COL11A1: variants seen among roughly 807,000 people sequenced by gnomAD.
COL11A1 encodes collagen type XI alpha 1 chain, also known as collagen alpha-1(XI) chain.
A neutral mutation model predicts 265.2 loss-of-function variants in COL11A1; 74 were observed. The ratio of observed to expected loss-of-function variants is 0.28; its 90% CI spans 0.23 to 0.34. The LOEUF (loss-of-function observed/expected upper bound fraction) is 0.34, where lower values mean the gene tolerates loss of function less well. Among genes scored for constraint, COL11A1 ranks in the 10% least tolerant of loss-of-function variants. The pLI is 1.00. For missense variants in COL11A1, 2,165 were observed against 2,263.6 expected, an observed-to-expected ratio of 0.96 and a Z score of 0.88; for synonymous variants, 816 against 727.6, an observed-to-expected ratio of 1.12 and a Z score of -1.96.
At position 102,878,068 on chromosome 1, in the gene COL11A1, T is replaced by C. The variant is rs1351190778; in HGVS notation, c.5372A>G (p.Gln1791Arg). 1.1e-5 allele frequency: 18 copies of C among 1,613,744 alleles called. No homozygotes were observed. The highest frequency in any genetic ancestry group is 1.4e-5 in the Non-Finnish European group (17 of 1,179,736). Reference sequence around the variant, plus strand: ...AACTTCAAATCCGAACTTCTGATTCTGATCACCAAAGTCATTGATCATGAC... The same window carrying C: ...AACTTCAAATCCGAACTTCTGATTCCGATCACCAAAGTCATTGATCATGAC... ...VDVMINDFGDQNQKFGFEVGP... is the reference protein window; with the variant it reads ...VDVMINDFGDRNQKFGFEVGP... The change falls in exon 67 of 67, where the codon CAG becomes CGG. Residue 1791 changes from glutamine (Q) to arginine (R), a missense_variant. Physicochemically the swap from Gln to Arg is conservative, Grantham distance 43 (BLOSUM62 1). Transcript: ENST00000370096.
At chr1:103,042,560 G>A (rs915219763) in intron 4 of COL11A1, among the ~76,000 whole-genome samples, 4 of 152,042 alleles carry the variant, frequency 2.6e-5, no homozygotes, top group African/African-American at 9.7e-5. Context: ...GACAGACATG[G>A]AAGCTACCAC....
At chr1:102,972,251 A>G (rs936037567) in intron 36 of COL11A1, among the ~76,000 whole-genome samples, 3 of 152,156 alleles carry the variant, frequency 2.0e-5, no homozygotes, top group African/African-American at 7.2e-5. Flanking sequence ...TGCTTCTTAA[A>G]TGATGTACTT....
At chr1:103,006,731 G>T (rs932379582) in intron 15 of COL11A1, among the ~76,000 whole-genome samples, 4 of 151,610 alleles carry the variant, frequency 2.6e-5, no homozygotes, top group South Asian at 2.1e-4. Flanking sequence ...TAGAGATGGG[G>T]TTTCACCAGC....
intron 1 of COL11A1, among the ~76,000 whole-genome samples, chr1:103,099,706 C>A (rs1674087033): frequency 6.6e-6 from 1 of 151,714 alleles, no homozygotes; most frequent in African/African-American, 2.4e-5. Context: ...CACTACATAT[C>A]TTAAGGTATT....
chr1:102,932,398 T>C (rs561372990), intron 46 of COL11A1, among the ~76,000 whole-genome samples: 22 of 152,348 alleles, frequency 1.4e-4, no homozygotes, highest in Admixed American at 2.6e-4. Flanking sequence ...AATTCTTTTC[T>C]TTAAGATGTT....
Position 102,939,053 on chromosome 1 carries a change from C to T in COL11A1, c.3420G>A (p.Lys1140=). 6.2e-7 allele frequency: 1 copy of T among 1,613,780 alleles called. No individual in the cohort carries two copies. ...AACTCACATTTTCTCCCTTGTCACCCTTGCTGCCTTTTTGTCCCGGCTCAC... is the reference window on the plus strand; with the variant it reads ...AACTCACATTTTCTCCCTTGTCACCTTTGCTGCCTTTTTGTCCCGGCTCAC... ...EIGEPGQKGS[K]GDKGENGPPG... Residue 1140 remains lysine (K), a synonymous_variant, in exon 44 of 67, where the codon AAG becomes AAA. Coordinates refer to ENST00000370096, the MANE Select transcript of COL11A1 (RefSeq NM_001854.4).
intron 48 of COL11A1, among the ~76,000 whole-genome samples, chr1:102,921,234 G>A (rs1655957002): frequency 6.6e-6 from 1 of 152,134 alleles, no homozygotes. Context: ...TTTGAACAAT[G>A]TAGTAATTTT....
At chr1:103,012,374 A>C (rs1481019410) in intron 14 of COL11A1, 39 bp downstream of exon 14, 1 of 1,557,326 alleles carries the variant, frequency 6.4e-7, no homozygotes, top group African/African-American at 1.4e-5. Flanking sequence ...TGCTAATTTG[A>C]AAATTTTAAC....
intron 4 of COL11A1, among the ~76,000 whole-genome samples, chr1:103,063,168 C>T (rs1461188269): frequency 6.6e-6 from 1 of 152,008 alleles, no homozygotes; most frequent in Admixed American, 6.6e-5. Flanking sequence ...TCAATACACT[C>T]ACAATTAATT....
Position 103,010,040 on chromosome 1 carries a change from C to T in COL11A1, c.1630-1524G>A, listed in dbSNP as rs574847330. ...TACTCAACAGATTATAATTCTTTTG[C>T]TCCAACATTTATTCTAAAAAATGTC... On this transcript the variant is annotated intron_variant, in intron 14 of 66. Coordinates refer to ENST00000370096, the MANE Select transcript of COL11A1 (RefSeq NM_001854.4). Among the ~76,000 whole-genome samples the T allele has an allele frequency of 2.6e-5, 4 of 152,170 alleles. No homozygotes were observed. In the South Asian group the frequency reaches 6.2e-4, roughly 24 times the overall value.
intron 4 of COL11A1, among the ~76,000 whole-genome samples, chr1:103,067,321 C>T (rs1404898438): frequency 6.6e-6 from 1 of 151,702 alleles, no homozygotes; most frequent in Admixed American, 6.6e-5. Context: ...GAATTAGACA[C>T]CAATACCAAT....
chr1:103,027,428 TA>T (rs1557966564), intron 5 of COL11A1, among the ~76,000 whole-genome samples: 1 of 128,038 alleles, frequency 7.8e-6, no homozygotes, highest in Non-Finnish European at 1.6e-5. Flanking sequence ...TATATATATA[TA>T]TATATATATA....
chr1:103,095,072 T>C (rs938148374), intron 1 of COL11A1, among the ~76,000 whole-genome samples: 1 of 152,068 alleles, frequency 6.6e-6, no homozygotes, highest in African/African-American at 2.4e-5. Context: ...TGAATTAACA[T>C]GCATAGTGTC....
At chr1:102,905,080 G>A (rs1653759593) in intron 54 of COL11A1, among the ~76,000 whole-genome samples, 1 of 151,580 alleles carries the variant, frequency 6.6e-6, no homozygotes, top group Non-Finnish European at 1.5e-5. Flanking sequence ...GTAGGGACAT[G>A]GATGAAACTG....
In COL11A1 at chr1:102,979,383, C is replaced by A; in HGVS notation, c.2609G>T (p.Arg870Leu). The A allele has an allele frequency of 6.2e-7, 1 of 1,606,106 alleles. No individual in the cohort carries two copies. Among genetic ancestry groups the A allele is most frequent in the African/African-American group, 1.3e-5 (1 of 74,876 alleles). Reference sequence around the variant, plus strand: ...TCAAAACATATTTATATATCATACCCGTGCACCTTTCTCTCCATTGGCACC... The same window carrying A: ...TCAAAACATATTTATATATCATACCAGTGCACCTTTCTCTCCATTGGCACC... ...FPGANGEKGA[R>L]GVAGKPGPRG... Residue 870 changes from arginine to leucine, a missense_variant and splice_region_variant, in exon 32 of 67, where the codon CGG (arginine) becomes CTG (leucine). Physicochemically the swap from Arg to Leu is moderately radical, Grantham distance 102. Transcript: ENST00000370096.
chr1:103,001,384 G>A (rs1004781636), intron 24 of COL11A1: 43 of 398,688 alleles, frequency 1.1e-4, no homozygotes, highest in African/African-American at 7.2e-4. Flanking sequence ...ATGACTACAG[G>A]GGACAAAATA....
intron 35 of COL11A1, among the ~76,000 whole-genome samples, chr1:102,977,869 G>T (rs189830849): frequency 5.9e-5 from 9 of 151,850 alleles, no homozygotes; most frequent in African/African-American, 1.9e-4. Flanking sequence ...TCCCATTTTC[G>T]TCACAAATAA....
chr1:103,034,343 G>A (rs532139936), intron 4 of COL11A1, among the ~76,000 whole-genome samples: 25 of 151,942 alleles, frequency 1.6e-4, no homozygotes, highest in African/African-American at 5.3e-4. Context: ...ATGTTCGGTG[G>A]TGTCCCGCAC....
At chr1:102,942,715 G>C (rs1026404811) in intron 42 of COL11A1, among the ~76,000 whole-genome samples, 3 of 151,952 alleles carry the variant, frequency 2.0e-5, no homozygotes, top group Non-Finnish European at 4.4e-5. Flanking sequence ...TTCCTCAAAA[G>C]CTCATTTGTG....
Sources: gnomAD v4.1 joint callset for allele counts (sites outside exome capture counted in the v4.1 genomes callset) on GRCh38, gnomAD v4.1.1 for gene constraint, MANE v1.5 for transcripts, NCBI Gene and HGNC (gene_info 2026-07-23, HGNC 2026-07-21) for gene names.